The following CD8B variants were observed in gnomAD, a reference collection of about 807,000 sequenced individuals.
CD8B encodes the protein CD8 subunit beta.
Under a neutral mutation model 24.2 loss-of-function variants are expected in CD8B, and 6 were observed. The observed-to-expected ratio is 0.25, with a 90% CI of 0.14 to 0.49. CD8B has a LOEUF of 0.49. CD8B is among the 20% of genes least tolerant of loss of function. The pLI is 0.98. For missense variants in CD8B, 196 were observed against 271.3 expected, an observed-to-expected ratio of 0.72 and a Z score of 1.95; for synonymous variants, 84 against 108.3, an observed-to-expected ratio of 0.78 and a Z score of 1.39.
chr2:86,837,482 G>A (rs1462449928), downstream of CD8B, among the ~76,000 whole-genome samples: 4 of 152,132 alleles, frequency 2.6e-5, no homozygotes, highest in Admixed American at 6.5e-5. Flanking sequence ...GGGAGTGTCA[G>A]TGACGCATCG....
intron 5 of CD8B, chr2:86,843,663 C>T (rs1368179742): frequency 1.0e-6 from 1 of 985,128 alleles, no homozygotes; most frequent in African/African-American, 1.7e-5. Context: ...TTTTGTTTGT[C>T]CATTGCTGCA....
At chr2:86,826,546 T>A (rs1674695159) in intron 5 of CD8B, among the ~76,000 whole-genome samples, 1 of 152,172 alleles carries the variant, frequency 6.6e-6, no homozygotes, top group South Asian at 2.1e-4. Flanking sequence ...GTGCATCACC[T>A]GAGCCCTGTC....
chr2:86,827,916 C>T (rs1388702384), intron 5 of CD8B, among the ~76,000 whole-genome samples: 1 of 152,032 alleles, frequency 6.6e-6, no homozygotes, highest in Non-Finnish European at 1.5e-5. Flanking sequence ...TTGTGCAGGA[C>T]CTGAAGTTGA....
At chr2:86,832,303 A>AGTGTGTG (rs1558751509) in intron 5 of CD8B, among the ~76,000 whole-genome samples, 5 of 151,922 alleles carry the variant, frequency 3.3e-5, no homozygotes, top group Admixed American at 6.6e-5. Context: ...ACATGGTGAA[A>AGTGTGTG]CCTCGTCTCT....
intron 5 of CD8B, among the ~76,000 whole-genome samples, chr2:86,823,812 C>A (rs1391873982): frequency 6.6e-6 from 1 of 152,042 alleles, no homozygotes; most frequent in Non-Finnish European, 1.5e-5. Context: ...GAAAGAATGA[C>A]GGAGAGTGAG....
chr2:86,831,121 G>GT (rs1674891268), intron 5 of CD8B, among the ~76,000 whole-genome samples: 1 of 152,172 alleles, frequency 6.6e-6, no homozygotes, highest in Non-Finnish European at 1.5e-5. Context: ...CCAGGCTGGA[G>GT]TGCAGTGGTG....
rs937257361 is a variant in CD8B at position 86,853,022 on chromosome 2, C to T, written c.468G>A (p.Arg156=). Residue 156 remains arginine (R), a synonymous_variant, in exon 3 of 6, where the codon CGG becomes CGA. Coordinates refer to ENST00000390655, the MANE Select transcript of CD8B (RefSeq NM_004931.5). Reference sequence around the variant, plus strand: ...CCTTCTGGGTCTCTGGCCTGGGTAACCGGCACACTCTCTTCTTGAGGGTGG... The same window carrying T: ...CCTTCTGGGTCTCTGGCCTGGGTAATCGGCACACTCTCTTCTTGAGGGTGG... The part of the protein sequence containing the change: ...KKSTLKKRVC[R]LPRPETQKGP... The T allele has an allele frequency of 2.0e-6, 3 of 1,537,894 alleles. No homozygotes were observed. Among genetic ancestry groups the T allele is most frequent in the African/African-American group, 2.8e-5 (2 of 71,516 alleles).
chr2:86,853,765 G>T (rs922926844), intron 2 of CD8B, among the ~76,000 whole-genome samples: 7 of 152,040 alleles, frequency 4.6e-5, no homozygotes, highest in Admixed American at 4.6e-4. Flanking sequence ...GAGGGCAGTG[G>T]CACGATCTCG....
chr2:86,824,315 A>C (rs193024964), intron 5 of CD8B, among the ~76,000 whole-genome samples: 148 of 152,272 alleles, frequency 9.7e-4, no homozygotes, highest in Admixed American at 8.1e-3. Flanking sequence ...CACAGCTGGA[A>C]GTGGCCAAAT....
intron 5 of CD8B, among the ~76,000 whole-genome samples, chr2:86,819,239 G>T (rs76557833): frequency 6.6e-6 from 1 of 152,148 alleles, no homozygotes; most frequent in Admixed American, 6.5e-5. Context: ...AGCACAGCAG[G>T]TTATCCAAAA....
chr2:86,819,604 A>G (rs79243695), intron 5 of CD8B, among the ~76,000 whole-genome samples: 1 of 152,368 alleles, frequency 6.6e-6, no homozygotes, highest in African/African-American at 2.4e-5. Flanking sequence ...TCGCTCAGGA[A>G]AAAAGATTCC....
intron 5 of CD8B, among the ~76,000 whole-genome samples, chr2:86,819,707 G>A (rs1674388926): frequency 6.6e-6 from 1 of 152,120 alleles, no homozygotes; most frequent in Admixed American, 6.5e-5. Context: ...TTTCATGACT[G>A]GTAAAACAAC....
intron 5 of CD8B, among the ~76,000 whole-genome samples, chr2:86,829,095 C>CTTT (rs746569858): frequency 0.017 from 1,394 of 82,928 alleles, 85 homozygotes; most frequent in East Asian, 0.031. Context: ...ATGCTCTTTA[C>CTTT]TTTTTTTTTT....
At chr2:86,818,118 G>A (rs1674327100) in intron 5 of CD8B, among the ~76,000 whole-genome samples, 1 of 152,086 alleles carries the variant, frequency 6.6e-6, no homozygotes, top group Non-Finnish European at 1.5e-5. Flanking sequence ...GCTGAGGCAG[G>A]AGAATTGCTT....
In CD8B at chr2:86,839,477, T is replaced by C. The variant is rs1325694243; in HGVS notation, c.*2830A>G. Among the ~76,000 whole-genome samples, 6 of 152,360 alleles carry C rather than the reference T, an allele frequency of 3.9e-5. No individual in the cohort carries two copies. The highest frequency in any genetic ancestry group is 7.3e-5 in the Non-Finnish European group (5 of 68,034). ...GGAGTTTGGGGGGCATATTTCATCATAATGGCCCTATAGAGTGTAGTAGCA... is the reference window on the plus strand; with the variant it reads ...GGAGTTTGGGGGGCATATTTCATCACAATGGCCCTATAGAGTGTAGTAGCA... On this transcript the variant is annotated 3_prime_UTR_variant, in exon 6 of 6. Transcript: ENST00000390655.
chr2:86,860,755 C>A (rs142803112), intron 1 of CD8B, among the ~76,000 whole-genome samples: 1 of 152,050 alleles, frequency 6.6e-6, no homozygotes, highest in Admixed American at 6.6e-5. Flanking sequence ...GAAGCCCTTC[C>A]GGGAAAACCC....
chr2:86,853,309 G>A (rs1269305160), intron 2 of CD8B, among the ~76,000 whole-genome samples: 2 of 151,822 alleles, frequency 1.3e-5, no homozygotes, highest in Non-Finnish European at 1.5e-5. Context: ...AGGCGTGGTG[G>A]CATATGCCTA....
intron 5 of CD8B, among the ~76,000 whole-genome samples, chr2:86,816,949 C>A (rs1674274845): frequency 6.6e-6 from 1 of 152,090 alleles, no homozygotes; most frequent in Non-Finnish European, 1.5e-5. Context: ...TGCATAAAAG[C>A]AACAGAAGAT....
In CD8B at chr2:86,841,974, G is replaced by A. The variant is rs1181583148; in HGVS notation, c.*333C>T. 4.6e-6 allele frequency: 5 copies of A among 1,076,402 alleles called. No individual in the cohort carries two copies. The highest frequency in any genetic ancestry group is 1.1e-4 in the Admixed American group (2 of 18,804). 66.7% of individuals were successfully genotyped at this position (1,076,402 alleles called of 1,614,324 possible). On this transcript the variant is annotated 3_prime_UTR_variant, in exon 6 of 6. Transcript: ENST00000390655. ...GGGCAAAGCAACCTGCAAAGATGGT[G>A]GCTAAATGGCCACCACTAAAGGTCC...
Sources: allele counts gnomAD v4.1 joint callset (sites outside exome capture counted in the v4.1 genomes callset), GRCh38; gene constraint gnomAD v4.1.1; transcripts MANE v1.5; gene names NCBI Gene and HGNC (gene_info 2026-07-23, HGNC 2026-07-21).